Variants in RNF115 observed in about 807,000 individuals in gnomAD.
RNF115 encodes ring finger protein 115, also known as E3 ubiquitin-protein ligase RNF115.
A neutral mutation model predicts 39.2 loss-of-function variants in RNF115; 31 were observed. The observed-to-expected ratio is 0.79, with a 90% CI of 0.59 to 1.07. The LOEUF is 1.07. RNF115 is among the 50% of genes least tolerant of loss of function. The probability of loss-of-function intolerance (pLI) is 0.00; values close to 1 mark genes in which losing one functional copy is unlikely to be tolerated. For synonymous variants in RNF115, 124 were observed against 131.0 expected (o/e 0.95, Z 0.37); for missense variants, 384 against 381.7 (o/e 1.01, Z -0.05).
At position 145,742,685 on chromosome 1, in the gene RNF115, T is replaced by C. The variant is rs1331213173; in HGVS notation, c.*4181A>G. ...ATACACGTGTTTGTCTGTGAATATATAAATATCTCTATTTACACATATATA... is the reference window on the plus strand; with the variant it reads ...ATACACGTGTTTGTCTGTGAATATACAAATATCTCTATTTACACATATATA... On this transcript the variant is annotated 3_prime_UTR_variant, in exon 9 of 9. Coordinates refer to ENST00000582693, the MANE Select transcript of RNF115 (RefSeq NM_014455.4). 6.6e-6 allele frequency: 1 copy of C among 152,190 alleles called. No individual in the cohort carries two copies. Among genetic ancestry groups the C allele is most frequent in the African/African-American group, 2.4e-5 (1 of 41,434 alleles). The allele number at this position is 152,190 out of a possible 1,614,324, so 9.4% of individuals were successfully genotyped here.
intron 2 of RNF115, among the ~76,000 whole-genome samples, chr1:145,787,622 C>CCCA (rs1553718307): frequency 4.7e-5 from 7 of 149,762 alleles, no homozygotes. Context: ...CACGGTGGCT[C>CCCA]ATGCCTGTAA....
chr1:145,808,000 T>G (rs1232140650), intron 1 of RNF115, among the ~76,000 whole-genome samples: 2 of 152,180 alleles, frequency 1.3e-5, no homozygotes, highest in East Asian at 3.8e-4. Flanking sequence ...GTTCCATCCA[T>G]GTTGCTACAA....
rs1381758814 is a variant in RNF115, at chr1:145,748,898, T to A, written c.668-788A>T. Among the ~76,000 whole-genome samples, 720 of 137,646 alleles carry A rather than the reference T, an allele frequency of 5.2e-3. 6 individuals are homozygous for A. The highest frequency in any genetic ancestry group is 0.025 in the Admixed American group (342 of 13,930). The allele number at this position is 137,646 out of a possible 152,430, so 90.3% of individuals were successfully genotyped here. A position where few individuals can be genotyped will look rare whatever the true frequency, so the allele number is the denominator to read the frequency against. On this transcript the variant is annotated intron_variant, in intron 7 of 8. Coordinates refer to ENST00000582693, the MANE Select transcript of RNF115 (RefSeq NM_014455.4). ...GACTCTGTCTCAAAAAAAAAAAAAA[T>A]TATTAATAAAAGCTATACCAGAAAA...
chr1:145,781,631 A>G (rs1553717407), intron 3 of RNF115, among the ~76,000 whole-genome samples: 1 of 152,170 alleles, frequency 6.6e-6, no homozygotes, highest in Non-Finnish European at 1.5e-5. Context: ...TAATCCTCGT[A>G]ACATCCCTAT....
intron 1 of RNF115, among the ~76,000 whole-genome samples, chr1:145,809,303 C>T (rs1649594217): frequency 6.6e-6 from 1 of 151,340 alleles, no homozygotes; most frequent in African/African-American, 2.4e-5. Context: ...TATCCTCCCT[C>T]AGCCTCCCAA....
At chr1:145,757,513 G>C (rs1553713338) in intron 4 of RNF115, among the ~76,000 whole-genome samples, 1 of 152,100 alleles carries the variant, frequency 6.6e-6, no homozygotes, top group African/African-American at 2.4e-5. Flanking sequence ...CCGGTCTCTG[G>C]GCCCTGAAAT....
intron 1 of RNF115, among the ~76,000 whole-genome samples, chr1:145,819,658 A>G (rs1650149013): frequency 6.6e-6 from 1 of 152,228 alleles, no homozygotes; most frequent in Non-Finnish European, 1.5e-5. Flanking sequence ...ACAATGAAAA[A>G]AGAAAACTCC....
Position 145,823,936 on chromosome 1 carries a change from T to C in RNF115, c.-63A>G. ...GCCCGTCCCTCGCCAGGCCGCTACC[T>C]CCCGAGCTGCAGTCGTCGCCGCCGC... On this transcript the variant is annotated 5_prime_UTR_variant, in exon 1 of 9. Coordinates refer to ENST00000582693, the MANE Select transcript of RNF115 (RefSeq NM_014455.4). 5.7e-6 allele frequency: 7 copies of C among 1,217,658 alleles called. No individual in the cohort carries two copies. Among genetic ancestry groups the C allele is most frequent in the South Asian group, 1.7e-5 (1 of 57,830 alleles). 75.4% of individuals were successfully genotyped at this position (1,217,658 alleles called of 1,614,324 possible). A position where few individuals can be genotyped will look rare whatever the true frequency, so the allele number is the denominator to read the frequency against.
At chr1:145,813,667 A>C (rs1457080593) in intron 1 of RNF115, among the ~76,000 whole-genome samples, 17 of 152,178 alleles carry the variant, frequency 1.1e-4, no homozygotes, top group East Asian at 1.9e-4. Context: ...TGTTCTAAAC[A>C]CTCTCTCCCA....
At chr1:145,794,697 T>A (rs1397632909) in intron 1 of RNF115, among the ~76,000 whole-genome samples, 2 of 151,396 alleles carry the variant, frequency 1.3e-5, no homozygotes, top group Non-Finnish European at 2.9e-5. Flanking sequence ...GCGCGGACCC[T>A]CCCGGTGAGT....
rs782450240 is a variant in RNF115, at chr1:145,748,062, T to G, written c.716A>C (p.Glu239Ala). The change falls in exon 8 of 9, where the codon GAG (glutamate) becomes GCG (alanine). Residue 239 changes from glutamate to alanine, a missense_variant. Transcript: ENST00000582693. ...ATTGCAAGGTAACTGCCGGACTTCCTCTTCAACTGTGTAATCTTCTTTGCA... is the reference window on the plus strand; with the variant it reads ...ATTGCAAGGTAACTGCCGGACTTCCGCTTCAACTGTGTAATCTTCTTTGCA... Reference protein sequence around the residue: ...PVCKEDYTVEEEVRQLPCNHF... With the variant: ...PVCKEDYTVEAEVRQLPCNHF... 3 of 1,613,688 alleles carry G rather than the reference T, an allele frequency of 1.9e-6. No individual in the cohort carries two copies. Among genetic ancestry groups the G allele is most frequent in the Non-Finnish European group, 2.5e-6 (3 of 1,179,752 alleles).
At chr1:145,816,680 C>T (rs1650007013) in intron 1 of RNF115, among the ~76,000 whole-genome samples, 1 of 146,068 alleles carries the variant, frequency 6.8e-6, no homozygotes, top group South Asian at 2.4e-4. Context: ...AATACCCAGC[C>T]TCTGGTGTTC....
intron 7 of RNF115, 129 bp from the exon 8 acceptor site, chr1:145,748,239 C>A (rs1490213941): frequency 6.2e-6 from 4 of 640,038 alleles, no homozygotes; most frequent in African/African-American, 5.4e-5. Flanking sequence ...AATGTACACC[C>A]AAGTAGCAGG....
At chr1:145,796,253 A>C (rs188672194) in intron 1 of RNF115, among the ~76,000 whole-genome samples, 143 of 152,342 alleles carry the variant, frequency 9.4e-4, no homozygotes, top group Admixed American at 2.5e-3. Flanking sequence ...CTAAGAGCTC[A>C]AAAACTCTAT....
chr1:145,788,656 T>C (rs1276176266), intron 2 of RNF115: 8 of 613,550 alleles, frequency 1.3e-5, no homozygotes, highest in African/African-American at 5.4e-5. Context: ...GAATGCCACA[T>C]ACAATCAGGA....
chr1:145,819,755 C>T (rs1446520091), intron 1 of RNF115, among the ~76,000 whole-genome samples: 2 of 152,244 alleles, frequency 1.3e-5, no homozygotes, highest in East Asian at 1.9e-4. Flanking sequence ...AAAGCTAATG[C>T]AGGCCAGTGT....
intron 4 of RNF115, among the ~76,000 whole-genome samples, chr1:145,757,219 C>A (rs587672002): frequency 1.9e-3 from 290 of 152,264 alleles, no homozygotes; most frequent in African/African-American, 6.8e-3. Context: ...TTGACTACAT[C>A]TGTAATGACC....
intron 1 of RNF115, among the ~76,000 whole-genome samples, chr1:145,811,883 CAAAAAAAAAA>C (rs67086842): frequency 8.9e-4 from 32 of 35,852 alleles, no homozygotes; most frequent in African/African-American, 1.2e-3. Context: ...TTCTGTCTCA[CAAAAAAAAAA>C]AAAAAAAAAA....
At chr1:145,750,338 C>T in intron 7 of RNF115, 69 bp downstream of exon 7, 3 of 1,217,780 alleles carry the variant, frequency 2.5e-6, no homozygotes, top group Admixed American at 2.1e-5. Context: ...AACTTTTCAC[C>T]TGTCAGAAGA....
Sources: allele counts gnomAD v4.1 joint callset (sites outside exome capture counted in the v4.1 genomes callset), GRCh38; gene constraint gnomAD v4.1.1; transcripts MANE v1.5; gene names NCBI Gene and HGNC (gene_info 2026-07-23, HGNC 2026-07-21).